The following RPS24 variants were observed in gnomAD, a reference collection of about 807,000 sequenced individuals.
RPS24 encodes the protein ribosomal protein S24.
For missense variants in RPS24, 100 were observed against 162.5 expected (o/e 0.62, Z 2.09); for synonymous variants, 72 against 55.6 (o/e 1.30, Z -1.31).
At chr10:78,054,634 T>C in exon 5 of RPS24, 1 of 1,551,624 alleles carries the variant, frequency 6.4e-7, no homozygotes, top group Non-Finnish European at 8.7e-7. Context: ...CGGGGGGTTG[T>C]GTGGCAGGTA....
At chr10:78,045,264 G>A (rs527811090), downstream of RPS24, among the ~76,000 whole-genome samples, 7 of 152,092 alleles carry the variant, frequency 4.6e-5, no homozygotes, top group Non-Finnish European at 1.0e-4. Flanking sequence ...TGGGATTACC[G>A]TCGTGAGGCA....
chr10:78,054,502 A>T (rs1310268060), intron 4 of RPS24: 1 of 1,507,594 alleles, frequency 6.6e-7, no homozygotes. Flanking sequence ...CAATCCTCTG[A>T]GACTATTCTC....
intron 4 of RPS24, among the ~76,000 whole-genome samples, chr10:78,048,111 C>G (rs1395977931): frequency 2.6e-5 from 4 of 152,170 alleles, no homozygotes; most frequent in African/African-American, 9.7e-5. Flanking sequence ...CCTCGGATTG[C>G]AGGGGATCTG....
intron 5 of RPS24, 54 bp downstream of exon 5, chr10:78,040,279 C>T (rs1326023213): frequency 9.7e-6 from 14 of 1,439,872 alleles, no homozygotes; most frequent in Non-Finnish European, 1.4e-5. Flanking sequence ...CCTTGGTGTA[C>T]TGACGTAGCA....
In RPS24 at chr10:78,037,285, A is replaced by G. The variant is rs147128920; in HGVS notation, c.371A>G (p.Asn124Ser). The G allele has an allele frequency of 3.3e-4, 528 of 1,604,410 alleles. 1 individual carries two copies. Among genetic ancestry groups the G allele is most frequent in the African/African-American group, 2.2e-3 (168 of 74,882 alleles). The change falls in exon 4 of 6, where the codon AAT (asparagine) becomes AGT (serine). Residue 124 changes from asparagine to serine, a missense_variant. Transcript: ENST00000372360. ...MKKVRGTAKA[N>S]VGAGKK ...AAAGTCAGGGGGACTGCAAAGGCCA[A>G]TGTTGGTGCTGGCAAAAAGGTATAG...
At position 78,040,053 on chromosome 10, in the gene RPS24, T is replaced by A. The variant is rs1298892478; in HGVS notation, c.391-151T>A. On this transcript the variant is annotated intron_variant, in intron 4 of 5. Coordinates refer to ENST00000372360, the MANE Select transcript of RPS24 (RefSeq NM_033022.4). ...ATCAGTGAGTCTGGAAGGAGTGCTCTGTATACAATTGCAAAGAACAAAATG... is the reference window on the plus strand; with the variant it reads ...ATCAGTGAGTCTGGAAGGAGTGCTCAGTATACAATTGCAAAGAACAAAATG... The A allele has an allele frequency of 1.4e-5, 10 of 739,192 alleles. No homozygotes were observed. The East Asian group carries it at 2.7e-4, about 20-fold the overall frequency. 45.8% of individuals were successfully genotyped at this position (739,192 alleles called of 1,614,324 possible).
At chr10:78,045,683 A>C (rs1262903028), downstream of RPS24, among the ~76,000 whole-genome samples, 1 of 151,530 alleles carries the variant, frequency 6.6e-6, no homozygotes, top group African/African-American at 2.4e-5. Context: ...GGGTTTCACC[A>C]TGTTGGCCAG....
At chr10:78,041,407 A>G (rs1847984826), downstream of RPS24, among the ~76,000 whole-genome samples, 4 of 152,150 alleles carry the variant, frequency 2.6e-5, no homozygotes, top group Admixed American at 1.3e-4. Flanking sequence ...TTCTGTTTTC[A>G]TATCTACAGA....
intron 4 of RPS24, chr10:78,037,869 GTTAAA>G (rs1395099475): frequency 2.2e-5 from 18 of 826,614 alleles, no homozygotes; most frequent in Non-Finnish European, 2.9e-5. Context: ...GTGTTGGGTT[GTTAAA>G]TTAACAAATA....
At chr10:78,049,491 CT>C (rs772420070) in intron 4 of RPS24, among the ~76,000 whole-genome samples, 1 of 152,200 alleles carries the variant, frequency 6.6e-6, no homozygotes, top group Non-Finnish European at 1.5e-5. Context: ...TAAGAACCCC[CT>C]GGATGCCCAG....
chr10:78,044,983 C>G (rs16935572), downstream of RPS24, among the ~76,000 whole-genome samples: 1,812 of 151,834 alleles, frequency 0.012, 34 homozygotes, highest in African/African-American at 0.04. Flanking sequence ...GAGATGGCAT[C>G]CAAGTATTTA....
chr10:78,048,193 A>G (rs1482853729), intron 4 of RPS24, among the ~76,000 whole-genome samples: 1 of 152,212 alleles, frequency 6.6e-6, no homozygotes, highest in African/African-American at 2.4e-5. Context: ...GGTGCAAGTC[A>G]GTAAGGTGGA....
At chr10:78,040,052 C>G in intron 4 of RPS24, 152 bp from the exon 5 acceptor site, 1 of 738,222 alleles carries the variant, frequency 1.4e-6, no homozygotes, top group Admixed American at 2.0e-5. Context: ...AAGGAGTGCT[C>G]TGTATACAAT....
intron 1 of RPS24, 25 bp from the exon 2 acceptor site, chr10:78,035,327 T>G: frequency 1.2e-6 from 2 of 1,611,962 alleles, no homozygotes; most frequent in Non-Finnish European, 1.7e-6. Context: ...AGTAGTTTTA[T>G]TAACCAGAGT....
chr10:78,054,683 A>G, exon 5 of RPS24: 1 of 1,551,702 alleles, frequency 6.4e-7, no homozygotes, highest in Non-Finnish European at 8.7e-7. Flanking sequence ...CATGTGGCAG[A>G]TTGCGGAGGG....
At chr10:78,054,690 A>G (rs1276674644) in exon 5 of RPS24, 1 of 1,551,612 alleles carries the variant, frequency 6.4e-7, no homozygotes, top group African/African-American at 1.4e-5. Context: ...CAGATTGCGG[A>G]GGGGCTGTGG....
chr10:78,054,743 CAG>C lies in RPS24; in HGVS notation c.607_608del (p.Glu203ThrfsTer36), dbSNP rs1398522161. The C allele has an allele frequency of 5.8e-6, 9 of 1,551,584 alleles. No individual in the cohort carries two copies. Among genetic ancestry groups the C allele is most frequent in the South Asian group, 2.4e-5 (2 of 84,056 alleles). ...CCGTTACCTGGAGGAAGACTGAAAA[CAG>C]AGAACAGTGCTGCCAGGCGTGCCTT... On this transcript the variant is annotated frameshift_variant, in exon 5 of 5. Coordinates refer to the RPS24 transcript ENST00000440692. LOFTEE classifies it low-confidence loss of function (END_TRUNC).
At position 78,047,903 on chromosome 10, in the gene RPS24, C is replaced by A. The variant is rs149196118; in HGVS notation, c.391-6628C>A. ...TGGGTCCGGGGCCACAGTGCTGGGTCCAAGACCTGTTTTCAAGCCTTAGCT... is the reference window on the plus strand; with the variant it reads ...TGGGTCCGGGGCCACAGTGCTGGGTACAAGACCTGTTTTCAAGCCTTAGCT... On this transcript the variant is annotated intron_variant, in intron 4 of 4. Coordinates refer to the RPS24 transcript ENST00000440692. Among the ~76,000 whole-genome samples the A allele has an allele frequency of 1.1e-3, 170 of 152,296 alleles. 1 individual carries two copies. The highest frequency in any genetic ancestry group is 3.8e-3 in the African/African-American group (159 of 41,558).
chr10:78,039,889 G>A (rs1263547152), intron 4 of RPS24: 4 of 444,874 alleles, frequency 9.0e-6, no homozygotes, highest in Non-Finnish European at 1.7e-5. Context: ...GCTCAGGTAT[G>A]TACTTCATTG....
Sources: allele counts gnomAD v4.1 joint callset (sites outside exome capture counted in the v4.1 genomes callset), GRCh38; gene constraint gnomAD v4.1.1; transcripts MANE v1.5; gene names NCBI Gene and HGNC (gene_info 2026-07-23, HGNC 2026-07-21).